The following GRK3 variants were observed in gnomAD, a reference collection of about 807,000 sequenced individuals.
GRK3 encodes adrenergic, beta, receptor kinase 2.
In GRK3, 54 loss-of-function variants were observed where a neutral mutation model predicts 95.7. That is an observed-to-expected ratio of 0.56 (90% confidence interval 0.45 to 0.71). The LOEUF (loss-of-function observed/expected upper bound fraction) is 0.71, where lower values mean the gene tolerates loss of function less well. GRK3 is among the 30% of genes least tolerant of loss of function. The probability of loss-of-function intolerance (pLI) is 0.00; values close to 1 mark genes in which losing one functional copy is unlikely to be tolerated. For missense variants in GRK3, 649 were observed against 851.2 expected, an observed-to-expected ratio of 0.76 and a Z score of 2.96; for synonymous variants, 281 against 290.8, an observed-to-expected ratio of 0.97 and a Z score of 0.34.
At position 25,564,958 on chromosome 22, in the gene GRK3, G is replaced by T. The variant is rs1360269577; in HGVS notation, c.-83G>T. The stretch of plus-strand genomic sequence containing the variant: ...TGCCCCGGGGCGGCCCCCCCAGGTC[G>T]GGGCGCGGCGGGCGGCGGCGGCGGG... On this transcript the variant is annotated 5_prime_UTR_variant, in exon 1 of 21. Coordinates refer to ENST00000324198, the MANE Select transcript of GRK3 (RefSeq NM_005160.4). The T allele has an allele frequency of 3.2e-6, 1 of 313,130 alleles. No individual in the cohort carries two copies. Among genetic ancestry groups the T allele is most frequent in the Non-Finnish European group, 4.7e-6 (1 of 210,986 alleles). 19.4% of individuals were successfully genotyped at this position (313,130 alleles called of 1,614,324 possible). A position where few individuals can be genotyped will look rare whatever the true frequency, so the allele number is the denominator to read the frequency against.
intron 13 of GRK3, among the ~76,000 whole-genome samples, chr22:25,698,317 G>A (rs1466078125): frequency 1.3e-5 from 2 of 152,190 alleles, no homozygotes; most frequent in African/African-American, 4.8e-5. Context: ...CAGGAAGGGA[G>A]CCACACAAAA....
chr22:25,671,347 CA>C (rs2084981282), intron 6 of GRK3, among the ~76,000 whole-genome samples: 1 of 152,122 alleles, frequency 6.6e-6, no homozygotes, highest in South Asian at 2.1e-4. Context: ...CTCAAAGCAA[CA>C]AAAACAAAAA....
At chr22:25,648,605 A>G (rs2084804665) in intron 3 of GRK3, 5 of 1,170,580 alleles carry the variant, frequency 4.3e-6, no homozygotes, top group Non-Finnish European at 6.4e-6. Flanking sequence ...AACTTGTTCC[A>G]CTATATGCTG....
chr22:25,666,799 A>T (rs553308318), intron 5 of GRK3, among the ~76,000 whole-genome samples: 2 of 152,310 alleles, frequency 1.3e-5, no homozygotes, highest in South Asian at 4.1e-4. Flanking sequence ...GACATAAAAA[A>T]AAGGTTAAAT....
intron 2 of GRK3, among the ~76,000 whole-genome samples, chr22:25,615,006 A>T (rs2084527311): frequency 6.6e-6 from 1 of 152,186 alleles, no homozygotes; most frequent in South Asian, 2.1e-4. Context: ...AGTACTGAAC[A>T]GTTGTTAAGT....
At chr22:25,687,488 T>A in intron 10 of GRK3, 49 bp from the exon 11 acceptor site, 1 of 1,598,696 alleles carries the variant, frequency 6.3e-7, no homozygotes, top group South Asian at 1.1e-5. Flanking sequence ...ATGATATTTG[T>A]TTCCTTTAAA....
At chr22:25,672,498 C>G (rs1267215099) in intron 7 of GRK3, 151 bp downstream of exon 7, 1 of 584,152 alleles carries the variant, frequency 1.7e-6, no homozygotes, top group Non-Finnish European at 3.1e-6. Context: ...TAAGCATTCA[C>G]CCTCCCATGC....
intron 3 of GRK3, among the ~76,000 whole-genome samples, chr22:25,646,030 C>T (rs569072218): frequency 6.6e-6 from 1 of 152,126 alleles, no homozygotes; most frequent in South Asian, 2.1e-4. Context: ...TCCTTACCTG[C>T]TTACCAGAGT....
chr22:25,626,956 A>C (rs1220282989), intron 2 of GRK3, among the ~76,000 whole-genome samples: 1 of 152,184 alleles, frequency 6.6e-6, no homozygotes, highest in Non-Finnish European at 1.5e-5. Context: ...GGCAGGCACT[A>C]TTAGTGTATA....
intron 1 of GRK3, among the ~76,000 whole-genome samples, chr22:25,576,385 C>G (rs185538481): frequency 6.6e-6 from 1 of 152,170 alleles, no homozygotes; most frequent in Non-Finnish European, 1.5e-5. Context: ...TTTCATGTTT[C>G]CCATTGTAAT....
intron 1 of GRK3, among the ~76,000 whole-genome samples, chr22:25,573,090 G>A (rs1931763372): frequency 6.6e-6 from 1 of 152,196 alleles, no homozygotes; most frequent in African/African-American, 2.4e-5. Context: ...TTCCTCAAAT[G>A]TGACAGATCA....
intron 1 of GRK3, among the ~76,000 whole-genome samples, chr22:25,602,216 G>A (rs2084414255): frequency 6.6e-6 from 1 of 152,176 alleles, no homozygotes; most frequent in Non-Finnish European, 1.5e-5. Flanking sequence ...GTACAAACAT[G>A]CTCAACGTCA....
At chr22:25,718,589 A>G (rs2085405547) in intron 19 of GRK3, among the ~76,000 whole-genome samples, 1 of 152,244 alleles carries the variant, frequency 6.6e-6, no homozygotes, top group Non-Finnish European at 1.5e-5. Context: ...AAAATAGAAC[A>G]TGCTTTTTAG....
At position 25,687,185 on chromosome 22, in the gene GRK3, T is replaced by G. The variant is rs536711327; in HGVS notation, c.827-352T>G. 7.9e-5 allele frequency among the ~76,000 whole-genome samples: 12 copies of G among 152,034 alleles called. No homozygotes were observed. In the South Asian group the frequency reaches 1.2e-3, roughly 16 times the overall value. ...ATCCATAGAGCCAGTTGCTAAGCTG[T>G]CTGTTGGATCACTCCATGGGTTGAT... On this transcript the variant is annotated intron_variant, in intron 10 of 20. Transcript: ENST00000324198.
chr22:25,703,509 G>C lies in GRK3; in HGVS notation c.1161-1G>C. On this transcript the variant is annotated splice_acceptor_variant, in intron 13 of 20. Transcript: ENST00000324198. LOFTEE classifies it high-confidence loss of function. ...GATAGAACAATTCTTTATTTCTACA[G>C]TCACAGCCCTTTCAGACAACATAAA... 6.2e-7 allele frequency: 1 copy of C among 1,610,954 alleles called. No individual in the cohort carries two copies. The highest frequency in any genetic ancestry group is 1.7e-5 in the Admixed American group (1 of 60,000).
chr22:25,710,988 G>T, intron 16 of GRK3, 80 bp from the exon 17 acceptor site: 1 of 761,070 alleles, frequency 1.3e-6, no homozygotes, highest in South Asian at 1.9e-5. Flanking sequence ...CTCGCACTGT[G>T]CTGTCTTTGT....
intron 18 of GRK3, 100 bp downstream of exon 18, chr22:25,714,670 T>A: frequency 8.5e-7 from 1 of 1,183,288 alleles, no homozygotes; most frequent in Non-Finnish European, 1.2e-6. Flanking sequence ...TATTTTGCAG[T>A]CGAGAAGAAA....
rs1048254490 is a variant in GRK3 at position 25,578,388 on chromosome 22, C to G, written c.113+13235C>G. ...TTCCACTGGCTAAAAGTGAGACACC[C>G]TGAACATCAAAAGAATATGACTGAT... On this transcript the variant is annotated intron_variant, in intron 1 of 20. Coordinates refer to ENST00000324198, the MANE Select transcript of GRK3 (RefSeq NM_005160.4). 2.0e-5 allele frequency among the ~76,000 whole-genome samples: 3 copies of G among 152,118 alleles called. No homozygotes were observed. The East Asian group carries it at 5.8e-4, about 29-fold the overall frequency.
chr22:25,595,825 C>T (rs532427427), intron 1 of GRK3, among the ~76,000 whole-genome samples: 2 of 151,836 alleles, frequency 1.3e-5, no homozygotes, highest in South Asian at 4.2e-4. Flanking sequence ...TGTGCACTTA[C>T]AGTTTCTGCT....
Sources: allele counts gnomAD v4.1 joint callset (sites outside exome capture counted in the v4.1 genomes callset), GRCh38; gene constraint gnomAD v4.1.1; transcripts MANE v1.5; gene names NCBI Gene and HGNC (gene_info 2026-07-23, HGNC 2026-07-21).